Variants in ABLIM1 observed in about 807,000 individuals in gnomAD.
ABLIM1 encodes actin binding LIM protein 1, also known as actin-binding LIM protein 1.
A neutral mutation model predicts 107.0 loss-of-function variants in ABLIM1; 40 were observed. That is an observed-to-expected ratio of 0.37 (90% CI 0.29 to 0.49). ABLIM1 has a LOEUF of 0.49. Ranked by LOEUF, ABLIM1 falls within the 20% of genes least tolerant of loss-of-function variation. ABLIM1 has a pLI of 0.97. For missense variants in ABLIM1, 857 were observed against 1,008.5 expected, an observed-to-expected ratio of 0.85 and a Z score of 2.04; for synonymous variants, 357 against 357.3, an observed-to-expected ratio of 1.00 and a Z score of 0.01.
chr10:114,580,221 T>A (rs1022331869), intron 2 of ABLIM1, among the ~76,000 whole-genome samples: 13 of 143,438 alleles, frequency 9.1e-5, no homozygotes, highest in African/African-American at 3.1e-4. Context: ...ATATATATAT[T>A]TTTTAGACAA....
intron 1 of ABLIM1, among the ~76,000 whole-genome samples, chr10:114,764,252 T>C (rs2082826580): frequency 6.6e-6 from 1 of 152,250 alleles, no homozygotes; most frequent in African/African-American, 2.4e-5. Context: ...CTTAGCTTGC[T>C]CTATCATAAA....
chr10:114,650,205 G>A (rs988153480), intron 1 of ABLIM1, among the ~76,000 whole-genome samples: 1 of 152,102 alleles, frequency 6.6e-6, no homozygotes, highest in African/African-American at 2.4e-5. Flanking sequence ...TTGTACCCAT[G>A]GCCGTCACAG....
intron 9 of ABLIM1, 112 bp from the exon 10 acceptor site, chr10:114,473,244 A>C (rs969912163): frequency 1.9e-6 from 2 of 1,040,822 alleles, no homozygotes; most frequent in Middle Eastern, 2.1e-4. Flanking sequence ...ATAAACAAAA[A>C]CCAAAACATC....
At chr10:114,574,667 C>T (rs904940699) in intron 3 of ABLIM1, among the ~76,000 whole-genome samples, 6 of 152,110 alleles carry the variant, frequency 3.9e-5, no homozygotes, top group East Asian at 1.9e-4. Context: ...GTCTCAAACT[C>T]TTGAGCTCAG....
intron 1 of ABLIM1, chr10:114,764,759 T>A (rs2082844019): frequency 6.6e-6 from 1 of 152,316 alleles, no homozygotes; most frequent in Non-Finnish European, 1.5e-5. Context: ...CCCAAGAGGA[T>A]GAAGCCCTGC....
chr10:114,745,999 T>A (rs942202402), intron 1 of ABLIM1, among the ~76,000 whole-genome samples: 5 of 152,216 alleles, frequency 3.3e-5, no homozygotes, highest in Non-Finnish European at 7.3e-5. Context: ...ATCATGTTTG[T>A]ATATGTTTAT....
At chr10:114,767,487 G>A (rs1425790123) in intron 1 of ABLIM1, among the ~76,000 whole-genome samples, 5 of 152,086 alleles carry the variant, frequency 3.3e-5, no homozygotes, top group African/African-American at 1.2e-4. Context: ...ATTCTTGCCT[G>A]AAAAGCAATT....
At chr10:114,782,056 T>C in the ABLIM1 span, among the ~76,000 whole-genome samples, 4 of 152,090 alleles carry the variant, frequency 2.6e-5, no homozygotes, top group African/African-American at 9.7e-5. Flanking sequence ...TCTGCTTAAA[T>C]CAGGTTACCC....
At chr10:114,699,669 C>T (rs2081268853) in intron 1 of ABLIM1, among the ~76,000 whole-genome samples, 1 of 152,014 alleles carries the variant, frequency 6.6e-6, no homozygotes, top group African/African-American at 2.4e-5. Flanking sequence ...AGATTTAAAA[C>T]TAATAAAACT....
intron 1 of ABLIM1, among the ~76,000 whole-genome samples, chr10:114,695,069 G>C (rs944984222): frequency 3.9e-5 from 6 of 152,162 alleles, no homozygotes; most frequent in Non-Finnish European, 8.8e-5. Flanking sequence ...TATGTACTGA[G>C]AGTTTAGCAT....
Position 114,613,411 on chromosome 10 carries a change from G to A in ABLIM1, c.245-11450C>T, listed in dbSNP as rs111585233. 6.6e-3 allele frequency among the ~76,000 whole-genome samples: 1,005 copies of A among 152,260 alleles called. 14 individuals carry two copies. The highest frequency in any genetic ancestry group is 0.023 in the African/African-American group (963 of 41,526). ...TTGGTAGCTTGAAATTGGCTGCAGT[G>A]GAAGCATTTATACCATGGAAACTGG... is the stretch of plus-strand genomic sequence containing the variant. On this transcript the variant is annotated intron_variant, in intron 1 of 22. Transcript: ENST00000533213.
intron 4 of ABLIM1, among the ~76,000 whole-genome samples, chr10:114,557,140 T>G: frequency 6.6e-6 from 1 of 152,092 alleles, no homozygotes; most frequent in Admixed American, 6.6e-5. Context: ...CATCTCAGAT[T>G]TACGAATAAT....
intron 4 of ABLIM1, among the ~76,000 whole-genome samples, chr10:114,564,172 C>G (rs1025041536): frequency 6.6e-6 from 1 of 151,750 alleles, no homozygotes; most frequent in Non-Finnish European, 1.5e-5. Flanking sequence ...CCAGGCATCC[C>G]TGGACCCGGC....
chr10:114,483,025 T>G (rs1248397294), intron 8 of ABLIM1, among the ~76,000 whole-genome samples: 3 of 152,196 alleles, frequency 2.0e-5, no homozygotes, highest in Admixed American at 2.0e-4. Flanking sequence ...TCATTTAAAG[T>G]GGGGACAATC....
intron 1 of ABLIM1, among the ~76,000 whole-genome samples, chr10:114,705,450 G>A (rs999219404): frequency 2.6e-5 from 4 of 152,104 alleles, no homozygotes; most frequent in Admixed American, 2.0e-4. Context: ...AAATGAAGAG[G>A]GCAAGGCGAA....
At chr10:114,469,580 C>A (rs1039433015) in intron 10 of ABLIM1, among the ~76,000 whole-genome samples, 1 of 152,240 alleles carries the variant, frequency 6.6e-6, no homozygotes, top group African/African-American at 2.4e-5. Context: ...GAGGAGCAAC[C>A]CAGCCCCTGG....
intron 1 of ABLIM1, among the ~76,000 whole-genome samples, chr10:114,764,533 G>A (rs1203867264): frequency 1.3e-5 from 2 of 150,846 alleles, no homozygotes; most frequent in African/African-American, 2.4e-5. Context: ...AGAGTGATGG[G>A]GTTTCACCAT....
chr10:114,553,234 C>A (rs2068299235), intron 4 of ABLIM1, among the ~76,000 whole-genome samples: 1 of 152,224 alleles, frequency 6.6e-6, no homozygotes, highest in African/African-American at 2.4e-5. Flanking sequence ...CCAGCCACCG[C>A]TACCTTCCCA....
chr10:114,696,155 C>T (rs907131021), intron 1 of ABLIM1, among the ~76,000 whole-genome samples: 6 of 152,192 alleles, frequency 3.9e-5, no homozygotes, highest in African/African-American at 1.4e-4. Context: ...GTGATGAGGG[C>T]TCCTTGCCCA....
Sources: gnomAD v4.1 joint callset for allele counts (sites outside exome capture counted in the v4.1 genomes callset) on GRCh38, gnomAD v4.1.1 for gene constraint, MANE v1.5 for transcripts, NCBI Gene and HGNC (gene_info 2026-07-23, HGNC 2026-07-21) for gene names.